The following CUL9 variants were observed in gnomAD, a reference collection of about 807,000 sequenced individuals.
The protein encoded by CUL9 is cullin 9, also known as cullin-9.
Under a neutral mutation model 272.6 loss-of-function variants are expected in CUL9, and 79 were observed. That is an observed-to-expected ratio of 0.29 (90% CI 0.24 to 0.35). CUL9 has a LOEUF of 0.35. Among genes scored for constraint, CUL9 ranks in the 10% least tolerant of loss-of-function variants. CUL9 has a pLI of 1.00. For missense variants in CUL9, 2,532 were observed against 3,255.6 expected (o/e 0.78, Z 5.41); for synonymous variants, 1,186 against 1,286.5 (o/e 0.92, Z 1.67).
Position 43,199,437 on chromosome 6 carries a change from G to GCT in CUL9, c.3156+69_3156+70dup. 2 of 1,238,654 alleles carry GCT rather than the reference G, an allele frequency of 1.6e-6. No individual in the cohort carries two copies. The allele number at this position is 1,238,654 out of a possible 1,614,324, so 76.7% of individuals were successfully genotyped here. On this transcript the variant is annotated intron_variant, in intron 13 of 40. Transcript: ENST00000252050. This position sits in a 1 kb window ranked among gnomAD's most constrained non-coding sequence, Gnocchi z 4.4. The stretch of plus-strand genomic sequence containing the variant: ...ATCTGGGGCACCAACTCCTTGTGAG[G>GCT]CTCTGGAGGGCACAGCAGAGCCTTT...
In CUL9 at chr6:43,184,714, C is replaced by A; in HGVS notation, c.404C>A (p.Thr135Asn). ...GCCAGGCAGCTGGCAGAAAGTGGGA[C>A]CCCAAGCCTCACGGCCGCTGTGCTT... ...RAARQLAESG[T>N]PSLTAAVLHT... is the part of the protein sequence containing the mutation. The change falls in exon 2 of 41, where the codon ACC becomes AAC. Residue 135 changes from threonine (T) to asparagine (N), a missense_variant. Physicochemically the swap from Thr to Asn is moderately conservative, Grantham distance 65. Transcript: ENST00000252050. This position sits in a 1 kb window ranked among gnomAD's most constrained non-coding sequence, Gnocchi z 4.8. 6.2e-7 allele frequency: 1 copy of A among 1,614,112 alleles called. No homozygotes were observed. Among genetic ancestry groups the A allele is most frequent in the Non-Finnish European group, 8.5e-7 (1 of 1,179,994 alleles).
chr6:43,183,945 G>T (rs1481645338), intron 1 of CUL9, among the ~76,000 whole-genome samples: 1 of 152,034 alleles, frequency 6.6e-6, no homozygotes, highest in South Asian at 2.1e-4. Flanking sequence ...TAGAGACGGG[G>T]TTTCACTATG....
At position 43,198,684 on chromosome 6, in the gene CUL9, C is replaced by A; in HGVS notation, c.2879C>A (p.Ser960Tyr). The A allele has an allele frequency of 6.2e-7, 1 of 1,614,212 alleles. No homozygotes were observed. The highest frequency in any genetic ancestry group is 1.1e-5 in the South Asian group (1 of 91,090). ...ATTCGATCCCTGGTTGGGGGCCCAT[C>A]TGCAGAACTACTCCTGGACTTGGAG... ...LLIRSLVGGP[S>Y]AELLLDLERV... Residue 960 changes from serine to tyrosine, a missense_variant, in exon 12 of 41, where the codon TCT becomes TAT. Physicochemically the swap from Ser to Tyr is moderately radical, Grantham distance 144. Transcript: ENST00000252050.
At position 43,193,071 on chromosome 6, in the gene CUL9, G is replaced by A; in HGVS notation, c.2251G>A (p.Ala751Thr). The part of the protein sequence containing the change: ...QVGEKMVVVQ[A>T]LRLLYLLMTK... ...GGGAGAGAAGATGGTGGTCGTGCAG[G>A]CCCTGCGCCTCCTTTACCTGCTCAT... The change falls in exon 9 of 41, where the codon GCC (alanine) becomes ACC (threonine). Residue 751 changes from alanine to threonine, a missense_variant. By Grantham distance (58) the Ala-to-Thr change is moderately conservative. This residue lies in a region of CUL9 where 2,218 missense variants were observed against 2,788.6 expected (regional missense o/e 0.80). Transcript: ENST00000252050. 1 of 1,614,204 alleles carries A rather than the reference G, an allele frequency of 6.2e-7. No individual in the cohort carries two copies. Among genetic ancestry groups the A allele is most frequent in the Non-Finnish European group, 8.5e-7 (1 of 1,180,026 alleles).
chr6:43,212,738 T>C (rs937729660), intron 26 of CUL9: 2 of 161,884 alleles, frequency 1.2e-5, no homozygotes, highest in Non-Finnish European at 2.7e-5. Flanking sequence ...CCTTTAATAC[T>C]CTCCCTTTGA....
intron 26 of CUL9, among the ~76,000 whole-genome samples, chr6:43,210,994 C>T (rs1342354205): frequency 1.3e-5 from 2 of 151,876 alleles, no homozygotes; most frequent in Non-Finnish European, 2.9e-5. Context: ...AACTGAATAC[C>T]CTTGTATTTT....
Position 43,203,194 on chromosome 6 carries a change from G to A in CUL9, c.3839G>A (p.Arg1280His), listed in dbSNP as rs780297259. 1.1e-5 allele frequency: 17 copies of A among 1,614,036 alleles called. No homozygotes were observed. The highest frequency in any genetic ancestry group is 1.7e-5 in the Admixed American group (1 of 60,010). Residue 1280 changes from arginine (R) to histidine (H), a missense_variant, in exon 18 of 41, where the codon CGC becomes CAC. Around this residue, in one of 3 missense-constraint regions of CUL9, gnomAD observed 2,218 missense variants for 2,788.6 expected, o/e 0.80. Transcript: ENST00000252050. The surrounding 1 kb of genome is among the most constrained non-coding windows in gnomAD (Gnocchi z 5.0). ...FWPIIQIRIK[R>H]CQQGGIDTRV... ...CCCATCATCCAGATCCGCATAAAGC[G>A]CTGCCAGCAGGTGGTGTTAGGGTGT...
chr6:43,204,035 T>A (rs780277584), intron 20 of CUL9, 48 bp downstream of exon 20: 1 of 1,539,722 alleles, frequency 6.5e-7, no homozygotes, highest in Non-Finnish European at 8.8e-7. Context: ...TTGTCCTTAT[T>A]CCCAGGGATC....
chr6:43,216,057 C>A, intron 30 of CUL9, 101 bp from the exon 31 acceptor site: 1 of 1,129,090 alleles, frequency 8.9e-7, no homozygotes, highest in Non-Finnish European at 1.3e-6. Flanking sequence ...GGCAAGCGAG[C>A]AAGTATGCTC....
intron 29 of CUL9, among the ~76,000 whole-genome samples, chr6:43,214,802 A>T (rs967283801): frequency 2.0e-5 from 3 of 152,064 alleles, no homozygotes; most frequent in Admixed American, 1.3e-4. Context: ...TTGGGAAAAA[A>T]AAAAAAGAGA....
rs775629593 is a variant in CUL9, at chr6:43,193,202, G to A, written c.2382G>A (p.Gly794=). The change falls in exon 9 of 41, where the codon GGG becomes GGA. Residue 794 remains glycine, a synonymous_variant. Coordinates refer to ENST00000252050, the MANE Select transcript of CUL9 (RefSeq NM_015089.4). ...CTTCTGTCTTGGTGCAGCAGGCTGG[G>A]CTGGCGGTGAGTACATTGGGCCTGG... ...YKTSVLVQQA[G]LAALKMLAVA... The A allele has an allele frequency of 6.2e-7, 1 of 1,614,020 alleles. No homozygotes were observed. The highest frequency in any genetic ancestry group is 1.7e-5 in the Admixed American group (1 of 60,026).
chr6:43,223,242 T>C lies in CUL9; in HGVS notation c.7151-22T>C. 6.3e-7 allele frequency: 1 copy of C among 1,580,856 alleles called. No individual in the cohort carries two copies. ...GATGAGAATGAGAAGGGAGGGAGCC[T>C]CTGTGCCTGCCCCCTCTGCAGAGGA... On this transcript the variant is annotated intron_variant, in intron 38 of 40. Coordinates refer to ENST00000252050, the MANE Select transcript of CUL9 (RefSeq NM_015089.4). This position sits in a 1 kb window ranked among gnomAD's most constrained non-coding sequence, Gnocchi z 4.1.
chr6:43,216,585 C>G, intron 31 of CUL9, 82 bp downstream of exon 31: 1 of 1,251,184 alleles, frequency 8.0e-7, no homozygotes, highest in Non-Finnish European at 1.1e-6. Context: ...TGGGTTCTAG[C>G]CCAGCACTGC....
chr6:43,223,040 G>T lies in CUL9; in HGVS notation c.7150+144G>T. The T allele has an allele frequency of 1.1e-6, 1 of 885,406 alleles. No individual in the cohort carries two copies. Among genetic ancestry groups the T allele is most frequent in the Admixed American group, 2.5e-5 (1 of 40,414 alleles). 54.8% of individuals were successfully genotyped at this position (885,406 alleles called of 1,614,324 possible). On this transcript the variant is annotated intron_variant, in intron 38 of 40. Coordinates refer to ENST00000252050, the MANE Select transcript of CUL9 (RefSeq NM_015089.4). The surrounding 1 kb of genome is among the most constrained non-coding windows in gnomAD (Gnocchi z 4.1). ...TTCTTCATGGCCTTCTCACTGCCTGGCTGTTAAAGCTCAGGTCGAAAGCCT... is the reference window on the plus strand; with the variant it reads ...TTCTTCATGGCCTTCTCACTGCCTGTCTGTTAAAGCTCAGGTCGAAAGCCT...
At chr6:43,182,600 T>C (rs903889623) in intron 1 of CUL9, among the ~76,000 whole-genome samples, 7 of 151,368 alleles carry the variant, frequency 4.6e-5, no homozygotes, top group Non-Finnish European at 1.0e-4. Context: ...TCCGATTCTT[T>C]TACTTCCCCC....
rs1211842443 is a variant in CUL9, at chr6:43,188,007, A to G, written c.1876A>G (p.Thr626Ala). The G allele has an allele frequency of 6.2e-7, 1 of 1,613,828 alleles. No individual in the cohort carries two copies. Among genetic ancestry groups the G allele is most frequent in the African/African-American group, 1.3e-5 (1 of 74,886 alleles). ...AEAPKTEAEP[T>A]KTRTETPMAQ... is the part of the protein sequence containing the mutation. ...GGCCCCTAAGACAGAGGCCGAGCCC[A>G]CCAAGACAAGGACCGAGACCCCCAT... Residue 626 changes from threonine (T) to alanine (A), a missense_variant, in exon 7 of 41, where the codon ACC (threonine) becomes GCC (alanine). Transcript: ENST00000252050.
rs769042707 is a variant in CUL9, at chr6:43,216,230, A to C, written c.6009A>C (p.Glu2003Asp). Reference sequence around the variant, plus strand: ...GCACCATGAGCCCCCAGGAAGTAGAAGGGTTGATGAAGCAGACGGTGCGTC... The same window carrying C: ...GCACCATGAGCCCCCAGGAAGTAGACGGGTTGATGAAGCAGACGGTGCGTC... ...AGRTMSPQEV[E>D]GLMKQTVRQV... Residue 2003 changes from glutamate (E) to aspartate (D), a missense_variant, in exon 31 of 41, where the codon GAA becomes GAC. Glu to Asp is a conservative substitution (Grantham distance 45). Around this residue, in one of 3 missense-constraint regions of CUL9, gnomAD observed 2,218 missense variants for 2,788.6 expected, o/e 0.80. Transcript: ENST00000252050. The C allele has an allele frequency of 6.8e-6, 11 of 1,613,800 alleles. No individual in the cohort carries two copies. The South Asian group carries it at 1.1e-4, about 16-fold the overall frequency.
rs753757208 is a variant in CUL9 at position 43,196,824 on chromosome 6, A to G, written c.2765A>G (p.Asn922Ser). The G allele has an allele frequency of 6.8e-6, 11 of 1,613,996 alleles. No homozygotes were observed. Among genetic ancestry groups the G allele is most frequent in the Admixed American group, 5.0e-5 (3 of 59,986 alleles). ...TTRTILMMLL[N>S]RYSEPPGSPE... ...CGCACCATCCTCATGATGCTTCTCA[A>G]TCGCTACTCAGAGCCGCCGGGCAGC... The change falls in exon 11 of 41, where the codon AAT becomes AGT. Residue 922 changes from asparagine to serine, a missense_variant. Asn to Ser is a conservative substitution (Grantham distance 46). Around this residue, in one of 3 missense-constraint regions of CUL9, gnomAD observed 2,218 missense variants for 2,788.6 expected, o/e 0.80. Coordinates refer to ENST00000252050, the MANE Select transcript of CUL9 (RefSeq NM_015089.4).
chr6:43,193,922 A>AT (rs137971002), intron 9 of CUL9, among the ~76,000 whole-genome samples: 19 of 151,440 alleles, frequency 1.3e-4, no homozygotes, highest in African/African-American at 3.4e-4. Flanking sequence ...AACCAAAAGT[A>AT]TTTTTTTTTC....
Sources: allele counts gnomAD v4.1 joint callset (sites outside exome capture counted in the v4.1 genomes callset), GRCh38; gene constraint gnomAD v4.1.1; regional missense constraint gnomAD v4.1.1; non-coding constraint Gnocchi (gnomAD v3.1); transcripts MANE v1.5; gene names NCBI Gene and HGNC (gene_info 2026-07-23, HGNC 2026-07-21).